PKHD1: variants seen among roughly 807,000 people sequenced by gnomAD.
PKHD1 encodes the protein PKHD1 ciliary IPT domain containing fibrocystin/polyductin, also known as fibrocystin.
A neutral mutation model predicts 412.0 loss-of-function variants in PKHD1; 291 were observed. The observed-to-expected ratio is 0.71, with a 90% CI of 0.64 to 0.78. The LOEUF is 0.78. Ranked by LOEUF, PKHD1 falls within the 30% of genes least tolerant of loss-of-function variation. PKHD1 has a pLI of 0.00. For missense variants in PKHD1, 4,825 were observed against 4,950.7 expected, an observed-to-expected ratio of 0.97 and a Z score of 0.76; for synonymous variants, 1,777 against 1,821.5, an observed-to-expected ratio of 0.98 and a Z score of 0.62.
chr6:51,762,869 A>G (rs1032208614), intron 55 of PKHD1, among the ~76,000 whole-genome samples: 2 of 152,066 alleles, frequency 1.3e-5, no homozygotes, highest in African/African-American at 2.4e-5. Flanking sequence ...CTAATGTTCT[A>G]TAGTTATGTA....
At chr6:52,063,269 T>G (rs1364035515) in intron 13 of PKHD1, among the ~76,000 whole-genome samples, 1 of 152,350 alleles carries the variant, frequency 6.6e-6, no homozygotes, top group East Asian at 1.9e-4. Flanking sequence ...GCAATCAATA[T>G]TGAATGCTAA....
chr6:51,627,252 G>C (rs542435215), intron 65 of PKHD1, 136 bp from the exon 66 acceptor site: 11 of 813,726 alleles, frequency 1.4e-5, no homozygotes, highest in Admixed American at 1.3e-4. Context: ...AACATATTCA[G>C]AGTTCAAGAA....
chr6:51,685,654 T>C (rs920263722), intron 60 of PKHD1, among the ~76,000 whole-genome samples: 1 of 152,170 alleles, frequency 6.6e-6, no homozygotes, highest in African/African-American at 2.4e-5. Flanking sequence ...ATTCAACTTA[T>C]AACCTAAGGC....
chr6:51,679,042 T>C (rs1009659876), intron 60 of PKHD1, among the ~76,000 whole-genome samples: 5 of 152,088 alleles, frequency 3.3e-5, no homozygotes, highest in Admixed American at 3.3e-4. Flanking sequence ...TGAATGTGAC[T>C]GTGCCATGCC....
At chr6:51,870,707 A>AT in intron 46 of PKHD1, 68 bp from the exon 47 acceptor site, 4 of 1,206,136 alleles carry the variant, frequency 3.3e-6, no homozygotes, top group Non-Finnish European at 4.9e-6. Flanking sequence ...ACAATTCATA[A>AT]TGCATGAATA....
At chr6:51,644,660 G>T (rs1769847301) in intron 63 of PKHD1, among the ~76,000 whole-genome samples, 1 of 152,014 alleles carries the variant, frequency 6.6e-6, no homozygotes, top group Non-Finnish European at 1.5e-5. Flanking sequence ...TGATTCATGA[G>T]GTGCACAGGA....
At chr6:52,085,610 C>G (rs1044118680) in intron 1 of PKHD1, among the ~76,000 whole-genome samples, 1 of 152,200 alleles carries the variant, frequency 6.6e-6, no homozygotes, top group Admixed American at 6.5e-5. Flanking sequence ...CCACCTTCCC[C>G]CTGAACCTCT....
In PKHD1 at chr6:51,659,259, G is replaced by A. The variant is rs745899740; in HGVS notation, c.10867C>T (p.Pro3623Ser). ...TAATGACTAGTGCAAGTCACAGTAG[G>A]GCAATTGCGCTTTCTTTTTGCTCTA... The part of the protein sequence containing the change: ...DSRAKRKRNC[P>S]TVTCTSHYRR... The change falls in exon 61 of 67, where the codon CCT becomes TCT. Residue 3623 changes from proline (P) to serine (S), a missense_variant. Coordinates refer to ENST00000371117, the MANE Select transcript of PKHD1 (RefSeq NM_138694.4). The A allele has an allele frequency of 1.9e-6, 3 of 1,613,666 alleles. No individual in the cohort carries two copies. The highest frequency in any genetic ancestry group is 2.7e-5 in the African/African-American group (2 of 74,884).
chr6:51,929,607 G>A (rs1004890628), intron 37 of PKHD1, among the ~76,000 whole-genome samples: 3 of 152,128 alleles, frequency 2.0e-5, no homozygotes, highest in African/African-American at 7.2e-5. Context: ...CTTAAAGACA[G>A]CCTGATACTC....
intron 37 of PKHD1, among the ~76,000 whole-genome samples, chr6:51,923,217 A>G (rs1162097573): frequency 6.6e-6 from 1 of 152,236 alleles, no homozygotes; most frequent in African/African-American, 2.4e-5. Flanking sequence ...AAAAAAATAG[A>G]TAACTGACAA....
chr6:51,949,478 A>G (rs1295395240), intron 36 of PKHD1, among the ~76,000 whole-genome samples: 1 of 152,128 alleles, frequency 6.6e-6, no homozygotes, highest in East Asian at 1.9e-4. Flanking sequence ...AAAGAGGAGC[A>G]TTTAGAGAAG....
chr6:51,744,525 A>G lies in PKHD1; in HGVS notation c.10016T>C (p.Val3339Ala). ...TGCACAGTCTAATTCAGGACAGACT[A>G]CTTTTCCTAAATCTTTCCTGTGAAG... ...SLQPRKDLGKVVCPELDCASP... is the reference protein window; with the variant it reads ...SLQPRKDLGKAVCPELDCASP... The change falls in exon 60 of 67, where the codon GTA becomes GCA. Residue 3339 changes from valine (V) to alanine (A), a missense_variant. Physicochemically the swap from Val to Ala is moderately conservative, Grantham distance 64. Coordinates refer to ENST00000371117, the MANE Select transcript of PKHD1 (RefSeq NM_138694.4). 6.2e-7 allele frequency: 1 copy of G among 1,613,076 alleles called. No homozygotes were observed. The highest frequency in any genetic ancestry group is 8.5e-7 in the Non-Finnish European group (1 of 1,179,082).
chr6:51,864,990 C>T (rs1774818058), intron 48 of PKHD1, among the ~76,000 whole-genome samples: 1 of 152,038 alleles, frequency 6.6e-6, no homozygotes, highest in Non-Finnish European at 1.5e-5. Flanking sequence ...CTATGTGGGA[C>T]ATTTTATAAT....
At chr6:51,905,878 C>T (rs954260194) in intron 41 of PKHD1, among the ~76,000 whole-genome samples, 25 of 152,046 alleles carry the variant, frequency 1.6e-4, no homozygotes, top group African/African-American at 6.0e-4. Context: ...AAATCCTTGG[C>T]CAACATCCAA....
intron 52 of PKHD1, among the ~76,000 whole-genome samples, chr6:51,823,395 T>C (rs1381801884): frequency 2.0e-5 from 3 of 152,134 alleles, no homozygotes; most frequent in Non-Finnish European, 4.4e-5. Context: ...ATGATGCTAA[T>C]GCTAATGGAC....
At chr6:52,042,147 T>G (rs1363429744) in intron 27 of PKHD1, among the ~76,000 whole-genome samples, 1 of 152,202 alleles carries the variant, frequency 6.6e-6, no homozygotes, top group Non-Finnish European at 1.5e-5. Flanking sequence ...TGCTTTGTTT[T>G]ATGTGCAGAA....
At chr6:51,764,391 A>G (rs942633544) in intron 55 of PKHD1, among the ~76,000 whole-genome samples, 18 of 147,972 alleles carry the variant, frequency 1.2e-4, no homozygotes, top group South Asian at 2.3e-4. Context: ...TTAGAATGGC[A>G]ATCATTAAAA....
chr6:52,054,685 G>A (rs940616168), intron 19 of PKHD1, among the ~76,000 whole-genome samples: 3 of 152,170 alleles, frequency 2.0e-5, no homozygotes, highest in Non-Finnish European at 2.9e-5. Context: ...CTTTGTCATA[G>A]GGGCTGTTCT....
chr6:51,659,413 G>C lies in PKHD1; in HGVS notation c.10713C>G (p.Val3571=), dbSNP rs1475387707. 1 of 1,613,584 alleles carries C rather than the reference G, an allele frequency of 6.2e-7. No individual in the cohort carries two copies. Among genetic ancestry groups the C allele is most frequent in the African/African-American group, 1.3e-5 (1 of 74,986 alleles). Residue 3571 remains valine (V), a synonymous_variant, in exon 61 of 67, where the codon GTC becomes GTG. Transcript: ENST00000371117. ...IHLALTVMVS[V]LEKGWEIVIL... ...TTACTATTTCCCAGCCTTTTTCTAA[G>C]ACTGAAACCATCACAGTGAGGGCCA...
Sources: gnomAD v4.1 joint callset for allele counts (sites outside exome capture counted in the v4.1 genomes callset) on GRCh38, gnomAD v4.1.1 for gene constraint, MANE v1.5 for transcripts, NCBI Gene and HGNC (gene_info 2026-07-23, HGNC 2026-07-21) for gene names.